The following SEPTIN9 variants were observed in gnomAD, a reference collection of about 807,000 sequenced individuals.
SEPTIN9 encodes the protein septin-9.
A neutral mutation model predicts 56.6 loss-of-function variants in SEPTIN9; 13 were observed. That is an observed-to-expected ratio of 0.23 (90% confidence interval 0.15 to 0.37). The LOEUF (loss-of-function observed/expected upper bound fraction) is 0.37, where lower values mean the gene tolerates loss of function less well. Among genes scored for constraint, SEPTIN9 ranks in the 10% least tolerant of loss-of-function variants. SEPTIN9 has a pLI of 1.00. For synonymous variants in SEPTIN9, 332 were observed against 334.1 expected, an observed-to-expected ratio of 0.99 and a Z score of 0.07; for missense variants, 650 against 823.1, an observed-to-expected ratio of 0.79 and a Z score of 2.57.
chr17:77,372,798 T>C (rs373999356), intron 2 of SEPTIN9, among the ~76,000 whole-genome samples: 2 of 151,510 alleles, frequency 1.3e-5, no homozygotes, highest in African/African-American at 4.9e-5. Context: ...GCTGGTGCCA[T>C]GGGACTCGCA....
intron 3 of SEPTIN9, among the ~76,000 whole-genome samples, chr17:77,414,147 C>T (rs1007876130): frequency 8.5e-5 from 13 of 152,160 alleles, no homozygotes; most frequent in Non-Finnish European, 1.6e-4. Flanking sequence ...GGCGCCATCT[C>T]GGCTGACTGC....
intron 1 of SEPTIN9, among the ~76,000 whole-genome samples, chr17:77,285,046 G>A (rs2031214028): frequency 6.6e-6 from 1 of 152,234 alleles, no homozygotes; most frequent in South Asian, 2.1e-4. Context: ...GATCATGATT[G>A]TCATTGACAG....
intron 2 of SEPTIN9, among the ~76,000 whole-genome samples, chr17:77,366,692 G>A (rs574540622): frequency 6.6e-6 from 1 of 152,316 alleles, no homozygotes; most frequent in East Asian, 1.9e-4. Flanking sequence ...GCAATAAAAT[G>A]TAGCAACAGA....
intron 3 of SEPTIN9, among the ~76,000 whole-genome samples, chr17:77,411,352 A>T (rs1423506560): frequency 2.0e-5 from 3 of 151,914 alleles, no homozygotes; most frequent in Non-Finnish European, 2.9e-5. Context: ...TCCATTTAAC[A>T]ACACTGTTGC....
chr17:77,427,773 G>T (rs1437720521), intron 3 of SEPTIN9, among the ~76,000 whole-genome samples: 1 of 152,168 alleles, frequency 6.6e-6, no homozygotes, highest in South Asian at 2.1e-4. Context: ...GCCCATAGGG[G>T]CAGTCAGGCT....
intron 3 of SEPTIN9, among the ~76,000 whole-genome samples, chr17:77,455,294 G>C (rs1437028609): frequency 6.6e-6 from 1 of 152,152 alleles, no homozygotes; most frequent in Non-Finnish European, 1.5e-5. Context: ...ATTGACCTCC[G>C]GCCTCTGCAT....
chr17:77,475,139 C>G lies in SEPTIN9; in HGVS notation c.722-7005C>G. ...GGCTTGCCGTGAGCCCTACGCTGCT[C>G]TGAAGAAAGCCGGGCTGGGGTGAGC... On this transcript the variant is annotated intron_variant, in intron 3 of 11. Coordinates refer to ENST00000427177, the MANE Select transcript of SEPTIN9 (RefSeq NM_001113491.2). The surrounding 1 kb of genome is among the most constrained non-coding windows in gnomAD (Gnocchi z 4.6). 1.1e-6 allele frequency: 1 copy of G among 928,346 alleles called. No homozygotes were observed. The highest frequency in any genetic ancestry group is 1.4e-6 in the Non-Finnish European group (1 of 737,506). 57.5% of individuals were successfully genotyped at this position (928,346 alleles called of 1,614,324 possible).
In SEPTIN9 at chr17:77,499,281, A is replaced by G. The variant is rs770998869; in HGVS notation, c.*623A>G. The G allele has an allele frequency of 3.0e-5, 18 of 598,008 alleles. 1 individual carries two copies. Among genetic ancestry groups the G allele is most frequent in the South Asian group, 2.5e-4 (18 of 71,888 alleles). The allele number at this position is 598,008 out of a possible 1,614,324, so 37.0% of individuals were successfully genotyped here. On this transcript the variant is annotated 3_prime_UTR_variant, in exon 12 of 12. Coordinates refer to ENST00000427177, the MANE Select transcript of SEPTIN9 (RefSeq NM_001113491.2). The stretch of plus-strand genomic sequence containing the variant: ...CTGGCAGCTGCCCCTCCTGGAGCAG[A>G]AAGTGCCTTTATCTCAGCCATCCGC...
chr17:77,475,693 G>T lies in SEPTIN9; in HGVS notation c.722-6451G>T, dbSNP rs968183810. The T allele has an allele frequency of 6.2e-7, 1 of 1,613,480 alleles. No homozygotes were observed. Among genetic ancestry groups the T allele is most frequent in the African/African-American group, 1.3e-5 (1 of 74,924 alleles). ...TGCTGGGCCCACGCTGGGCCGGGGT[G>T]GATGGAGGCAAGGAAGTCTTCGCCG... On this transcript the variant is annotated intron_variant, in intron 3 of 11. Transcript: ENST00000427177. The surrounding 1 kb of genome is among the most constrained non-coding windows in gnomAD (Gnocchi z 4.6).
chr17:77,495,356 G>A (rs538300912), intron 10 of SEPTIN9, among the ~76,000 whole-genome samples: 1 of 152,242 alleles, frequency 6.6e-6, no homozygotes, highest in African/African-American at 2.4e-5. Flanking sequence ...TTATATCAGG[G>A]GCCCCATGAG....
At chr17:77,379,116 G>C (rs115126238) in intron 2 of SEPTIN9, among the ~76,000 whole-genome samples, 2,458 of 152,254 alleles carry the variant, frequency 0.016, 50 homozygotes, top group African/African-American at 0.056. Context: ...TGGGCTGGCA[G>C]CTGGAACAGT....
chr17:77,403,154 G>A (rs2035959698), intron 3 of SEPTIN9, among the ~76,000 whole-genome samples: 1 of 152,132 alleles, frequency 6.6e-6, no homozygotes, highest in Non-Finnish European at 1.5e-5. Flanking sequence ...GGAATTGCAG[G>A]CTGCCTGGAT....
rs556835055 is a variant in SEPTIN9, at chr17:77,436,817, G to A, written c.721+34114G>A. Among the ~76,000 whole-genome samples, 1 of 152,368 alleles carries A rather than the reference G, an allele frequency of 6.6e-6. No individual in the cohort carries two copies. The highest frequency in any genetic ancestry group is 1.9e-4 in the East Asian group (1 of 5,182). ...ATTCTGGCCCTGGTAAGGACACCCA[G>A]GAGAGGGCCAGGGTGCCTGTATTTG... On this transcript the variant is annotated intron_variant, in intron 3 of 11. Coordinates refer to ENST00000427177, the MANE Select transcript of SEPTIN9 (RefSeq NM_001113491.2). The surrounding 1 kb of genome is among the most constrained non-coding windows in gnomAD (Gnocchi z 4.4).
At chr17:77,464,025 T>A (rs1468034719) in intron 3 of SEPTIN9, among the ~76,000 whole-genome samples, 1 of 152,154 alleles carries the variant, frequency 6.6e-6, no homozygotes, top group Non-Finnish European at 1.5e-5. Flanking sequence ...ATGACTCTGT[T>A]GTTTTGCTTA....
intron 3 of SEPTIN9, among the ~76,000 whole-genome samples, chr17:77,470,524 A>G (rs2038950429): frequency 6.6e-6 from 1 of 152,018 alleles, no homozygotes; most frequent in Non-Finnish European, 1.5e-5. Context: ...CCACTCATCC[A>G]TCTATCCACT....
At chr17:77,390,571 C>T in intron 2 of SEPTIN9, among the ~76,000 whole-genome samples, 1 of 150,740 alleles carries the variant, frequency 6.6e-6, no homozygotes. Flanking sequence ...CCTGCCTCAG[C>T]CTCCCGAGTA....
chr17:77,366,626 C>A (rs1043450459), intron 2 of SEPTIN9, among the ~76,000 whole-genome samples: 2 of 152,324 alleles, frequency 1.3e-5, no homozygotes, highest in African/African-American at 4.8e-5. Flanking sequence ...CCCCTGACCA[C>A]CACCATCCCT....
At chr17:77,304,758 A>G (rs1237214193) in intron 1 of SEPTIN9, among the ~76,000 whole-genome samples, 2 of 152,146 alleles carry the variant, frequency 1.3e-5, no homozygotes, top group African/African-American at 2.4e-5. Flanking sequence ...GGACAGCAGA[A>G]TGTCCCAGTA....
chr17:77,474,721 G>A (rs1394612739), intron 3 of SEPTIN9, among the ~76,000 whole-genome samples: 1 of 152,190 alleles, frequency 6.6e-6, no homozygotes, highest in Non-Finnish European at 1.5e-5. Flanking sequence ...TCAAATCCTG[G>A]CTCTACCGCT....
Sources: gnomAD v4.1 joint callset for allele counts (sites outside exome capture counted in the v4.1 genomes callset) on GRCh38, gnomAD v4.1.1 for gene constraint, Gnocchi (gnomAD v3.1) non-coding constraint, MANE v1.5 for transcripts, NCBI Gene and HGNC (gene_info 2026-07-23, HGNC 2026-07-21) for gene names.